Variants in DNAJC25 observed in about 807,000 individuals in gnomAD.
DNAJC25 encodes DnaJ heat shock protein family (Hsp40) member C25, also known as dnaJ homolog subfamily C member 25.
In DNAJC25, 26 loss-of-function variants were observed where a neutral mutation model predicts 42.1. That is an observed-to-expected ratio of 0.62 (90% CI 0.45 to 0.86). The LOEUF is 0.86. Among genes scored for constraint, DNAJC25 ranks in the 40% least tolerant of loss-of-function variants. The pLI is 0.00. For synonymous variants in DNAJC25, 189 were observed against 179.9 expected (o/e 1.05, Z -0.40); for missense variants, 404 against 459.4 (o/e 0.88, Z 1.10).
At chr9:111,634,373 T>C (rs1244215449) in intron 1 of DNAJC25, among the ~76,000 whole-genome samples, 1 of 152,234 alleles carries the variant, frequency 6.6e-6, no homozygotes, top group Non-Finnish European at 1.5e-5. Flanking sequence ...TTCTGGGTAA[T>C]GCAAGGTTTT....
At chr9:111,647,731 C>T (rs1830588927) in intron 2 of DNAJC25, among the ~76,000 whole-genome samples, 1 of 152,190 alleles carries the variant, frequency 6.6e-6, no homozygotes, top group Non-Finnish European at 1.5e-5. Flanking sequence ...GGTGCTTCTG[C>T]TCAGGTTGAA....
intron 1 of DNAJC25, among the ~76,000 whole-genome samples, chr9:111,644,882 G>T (rs1205916855): frequency 2.6e-5 from 4 of 152,196 alleles, no homozygotes; most frequent in East Asian, 1.9e-4. Context: ...AGAGACACAG[G>T]CTTTAGTCTT....
chr9:111,631,717 G>C lies in DNAJC25; in HGVS notation c.310G>C (p.Val104Leu). 6.6e-7 allele frequency: 1 copy of C among 1,521,904 alleles called. No individual in the cohort carries two copies. The highest frequency in any genetic ancestry group is 8.8e-7 in the Non-Finnish European group (1 of 1,140,826). 94.3% of individuals were successfully genotyped at this position (1,521,904 alleles called of 1,614,324 possible). A position where few individuals can be genotyped will look rare whatever the true frequency, so the allele number is the denominator to read the frequency against. The change falls in exon 1 of 4, where the codon GTG (valine) becomes CTG (leucine). Residue 104 changes from valine (V) to leucine (L), a missense_variant. Val to Leu is a conservative substitution (Grantham distance 32). Coordinates refer to ENST00000313525, the MANE Select transcript of DNAJC25 (RefSeq NM_001015882.3). The part of the protein sequence containing the change: ...PQSAEEAFLL[V>L]ATAYETLKDE... ...GAGCGCCGAGGAGGCTTTCCTGCTG[G>C]TGGCAACCGCCTACGAGACACTCAA...
Position 111,647,004 on chromosome 9 carries a change from T to C in DNAJC25, c.337-103T>C, listed in dbSNP as rs1830575902. 2.3e-6 allele frequency: 3 copies of C among 1,284,682 alleles called. No individual in the cohort carries two copies. In the East Asian group the frequency reaches 8.2e-5, roughly 35 times the overall value. The allele number at this position is 1,284,682 out of a possible 1,614,324, so 79.6% of individuals were successfully genotyped here. Reference sequence around the variant, plus strand: ...ACAATTTCAGTATTTTTACTCAGATTAACCTTACATAATTATAAAATTCTA... The same window carrying C: ...ACAATTTCAGTATTTTTACTCAGATCAACCTTACATAATTATAAAATTCTA... On this transcript the variant is annotated intron_variant, in intron 1 of 3. Transcript: ENST00000313525.
chr9:111,650,008 T>C (rs1830632151), intron 3 of DNAJC25, 85 bp downstream of exon 3: 1 of 1,229,198 alleles, frequency 8.1e-7, no homozygotes, highest in South Asian at 1.9e-5. Flanking sequence ...ATCACAGAAG[T>C]GTGCTCACAT....
At chr9:111,652,915 CAAATAAAT>C (rs71861596) in intron 3 of DNAJC25, among the ~76,000 whole-genome samples, 177 bp from the exon 4 acceptor site, 23 of 151,374 alleles carry the variant, frequency 1.5e-4, no homozygotes, top group Admixed American at 7.2e-4. Context: ...TGGTAAATTG[CAAATAAAT>C]AAATAAATAA....
At chr9:111,635,893 C>T (rs1830354987) in intron 1 of DNAJC25, among the ~76,000 whole-genome samples, 1 of 151,692 alleles carries the variant, frequency 6.6e-6, no homozygotes, top group Non-Finnish European at 1.5e-5. Context: ...TAGCAAAAAA[C>T]GATTCTGAAC....
At chr9:111,636,590 G>A (rs1830365609) in intron 1 of DNAJC25, among the ~76,000 whole-genome samples, 1 of 152,072 alleles carries the variant, frequency 6.6e-6, no homozygotes, top group Non-Finnish European at 1.5e-5. Context: ...AAATAGCTGC[G>A]ATTACTGGCA....
intron 1 of DNAJC25, among the ~76,000 whole-genome samples, chr9:111,645,860 A>G: frequency 6.6e-6 from 1 of 152,130 alleles, no homozygotes; most frequent in Admixed American, 6.5e-5. Flanking sequence ...GCATGATCAC[A>G]TAAGTGATTT....
At chr9:111,646,938 T>G (rs1220899601) in intron 1 of DNAJC25, 169 bp from the exon 2 acceptor site, 4 of 641,480 alleles carry the variant, frequency 6.2e-6, no homozygotes, top group Non-Finnish European at 9.2e-6. Context: ...TTCTGAAAAT[T>G]TACATGGCTT....
chr9:111,644,257 G>A (rs111278459), intron 1 of DNAJC25, among the ~76,000 whole-genome samples: 149 of 152,292 alleles, frequency 9.8e-4, no homozygotes, highest in African/African-American at 3.3e-3. Context: ...GACTCCATTA[G>A]GGGACCTTGA....
At chr9:111,642,638 TAAATAAA>T (rs1323213604) in intron 1 of DNAJC25, among the ~76,000 whole-genome samples, 2 of 145,042 alleles carry the variant, frequency 1.4e-5, no homozygotes, top group South Asian at 2.1e-4. Flanking sequence ...AATAAATAAA[TAAATAAA>T]AAATAAATGT....
chr9:111,635,899 T>G (rs1830355104), intron 1 of DNAJC25, among the ~76,000 whole-genome samples: 1 of 152,226 alleles, frequency 6.6e-6, no homozygotes, highest in African/African-American at 2.4e-5. Flanking sequence ...AAAACGATTC[T>G]GAACTCCCTG....
chr9:111,643,450 G>T (rs962612641), intron 1 of DNAJC25, among the ~76,000 whole-genome samples: 13 of 152,198 alleles, frequency 8.5e-5, no homozygotes, highest in African/African-American at 3.1e-4. Context: ...TAATAAGAAC[G>T]ATCCAACTGT....
intron 3 of DNAJC25, among the ~76,000 whole-genome samples, chr9:111,652,831 G>A (rs1185626460): frequency 6.6e-6 from 1 of 152,054 alleles, no homozygotes; most frequent in East Asian, 1.9e-4. Context: ...ACAGGTGTGA[G>A]CCACCACGCC....
At chr9:111,640,137 G>A (rs1438117122) in intron 1 of DNAJC25, among the ~76,000 whole-genome samples, 2 of 137,188 alleles carry the variant, frequency 1.5e-5, no homozygotes, top group African/African-American at 5.6e-5. Context: ...TGTGTTGGCC[G>A]GGCCGGTCTC....
At chr9:111,650,653 T>C (rs1250127482) in intron 3 of DNAJC25, among the ~76,000 whole-genome samples, 1 of 152,122 alleles carries the variant, frequency 6.6e-6, no homozygotes, top group Non-Finnish European at 1.5e-5. Context: ...GAAACCTTTT[T>C]GTTTTCTTTC....
intron 1 of DNAJC25, among the ~76,000 whole-genome samples, chr9:111,639,685 A>ATGTG (rs146132985): frequency 2.7e-5 from 4 of 149,820 alleles, no homozygotes; most frequent in Middle Eastern, 3.5e-3. Context: ...TTTCAAAAAA[A>ATGTG]TGTGTGTGTG....
chr9:111,638,317 C>G (rs1012747165), intron 1 of DNAJC25, among the ~76,000 whole-genome samples: 2 of 152,138 alleles, frequency 1.3e-5, no homozygotes, highest in Non-Finnish European at 2.9e-5. Flanking sequence ...CTGGAAAATA[C>G]CTACCAAGCA....
Sources: gnomAD v4.1 joint callset for allele counts (sites outside exome capture counted in the v4.1 genomes callset) on GRCh38, gnomAD v4.1.1 for gene constraint, MANE v1.5 for transcripts, NCBI Gene and HGNC (gene_info 2026-07-23, HGNC 2026-07-21) for gene names.